ATP6V1H: variants seen among roughly 807,000 people sequenced by gnomAD.
ATP6V1H encodes V-type proton ATPase subunit H.
ATP6V1H carries 39 observed loss-of-function variants against 71.7 expected under a neutral mutation model. That is an observed-to-expected ratio of 0.54 (90% CI 0.42 to 0.71). The LOEUF (loss-of-function observed/expected upper bound fraction) is 0.71. ATP6V1H is among the 30% of genes least tolerant of loss of function. ATP6V1H has a pLI of 0.00. For missense variants in ATP6V1H, 509 were observed against 594.9 expected (o/e 0.86, Z 1.50); for synonymous variants, 192 against 199.3 (o/e 0.96, Z 0.31).
intron 9 of ATP6V1H, among the ~76,000 whole-genome samples, chr8:53,791,919 C>T (rs1318681924): frequency 6.6e-6 from 1 of 152,224 alleles, no homozygotes; most frequent in African/African-American, 2.4e-5. Context: ...ATGGAACCCA[C>T]AACTGTTTTG....
chr8:53,745,641 AG>A (rs1174677309), intron 12 of ATP6V1H, among the ~76,000 whole-genome samples: 3 of 152,026 alleles, frequency 2.0e-5, no homozygotes, highest in Non-Finnish European at 4.4e-5. Flanking sequence ...TCTTGTGCTT[AG>A]GAACATTACA....
chr8:53,736,051 C>T (rs1585729557), intron 13 of ATP6V1H, among the ~76,000 whole-genome samples: 2 of 152,168 alleles, frequency 1.3e-5, no homozygotes, highest in Admixed American at 6.5e-5. Flanking sequence ...CTTTAGGACT[C>T]GTCAAACAAG....
intron 4 of ATP6V1H, among the ~76,000 whole-genome samples, chr8:53,819,083 A>G (rs1183460329): frequency 6.6e-6 from 1 of 151,590 alleles, no homozygotes; most frequent in African/African-American, 2.4e-5. Context: ...GCACACGCCT[A>G]TGGTCCCAGC....
intron 5 of ATP6V1H, among the ~76,000 whole-genome samples, chr8:53,815,552 C>G (rs1346008936): frequency 6.6e-6 from 1 of 152,200 alleles, no homozygotes; most frequent in Non-Finnish European, 1.5e-5. Flanking sequence ...AGGTACACTT[C>G]CAAGGTCAGA....
In ATP6V1H at chr8:53,756,668, T is replaced by A. The variant is rs1300387975; in HGVS notation, c.1176-12A>T. The A allele has an allele frequency of 5.0e-6, 8 of 1,598,778 alleles. No homozygotes were observed. Among genetic ancestry groups the A allele is most frequent in the Non-Finnish European group, 6.9e-6 (8 of 1,167,446 alleles). ...GTTTTGTCAAGATTCTGAAATAAAT[T>A]TTATCCAAAGAGAGATCAAGTTCTA... is the stretch of plus-strand genomic sequence containing the variant. On this transcript the variant is annotated splice_polypyrimidine_tract_variant and intron_variant, in intron 11 of 13. Transcript: ENST00000359530.
rs1366746696 is a variant in ATP6V1H, at chr8:53,782,328, T to C, written c.871-10161A>G. On this transcript the variant is annotated intron_variant, in intron 9 of 13. Transcript: ENST00000359530. Reference sequence around the variant, plus strand: ...ATTGTGAATGGGAGTTCACTCATGATTTGGCTCTCTGTTTGTCTGTTACTG... The same window carrying C: ...ATTGTGAATGGGAGTTCACTCATGACTTGGCTCTCTGTTTGTCTGTTACTG... Among the ~76,000 whole-genome samples, 9 of 152,194 alleles carry C rather than the reference T, an allele frequency of 5.9e-5. No individual in the cohort carries two copies. In the East Asian group the frequency reaches 1.2e-3, roughly 20 times the overall value.
chr8:53,782,182 G>C (rs1403831090), intron 9 of ATP6V1H, among the ~76,000 whole-genome samples: 1 of 152,080 alleles, frequency 6.6e-6, no homozygotes, highest in East Asian at 1.9e-4. Flanking sequence ...AGCATGGAAT[G>C]TTCTTCCATT....
At chr8:53,754,962 G>C (rs1193519515) in intron 12 of ATP6V1H, among the ~76,000 whole-genome samples, 1 of 152,208 alleles carries the variant, frequency 6.6e-6, no homozygotes, top group African/African-American at 2.4e-5. Flanking sequence ...GAAGTACAGA[G>C]CCGTTGACTG....
chr8:53,756,769 C>A, intron 11 of ATP6V1H, 113 bp from the exon 12 acceptor site: 1 of 646,070 alleles, frequency 1.5e-6, no homozygotes, highest in Non-Finnish European at 2.6e-6. Flanking sequence ...TTAATATATT[C>A]ATATTCTTCT....
intron 7 of ATP6V1H, among the ~76,000 whole-genome samples, chr8:53,808,118 A>T (rs1810150592): frequency 6.6e-6 from 1 of 152,230 alleles, no homozygotes; most frequent in Non-Finnish European, 1.5e-5. Flanking sequence ...AGAGAACAGG[A>T]CACGGAAACA....
At chr8:53,818,639 A>G (rs1810532218) in intron 4 of ATP6V1H, among the ~76,000 whole-genome samples, 1 of 152,204 alleles carries the variant, frequency 6.6e-6, no homozygotes, top group Non-Finnish European at 1.5e-5. Flanking sequence ...GAGAATAAGG[A>G]TAAAGAAATC....
At chr8:53,832,693 A>G (rs964384499) in intron 3 of ATP6V1H, 10 of 218,590 alleles carry the variant, frequency 4.6e-5, no homozygotes, top group Middle Eastern at 2.9e-3. Context: ...TATTTCAAAC[A>G]TTACTAGTAA....
At chr8:53,771,947 C>A in intron 10 of ATP6V1H, 42 bp downstream of exon 10, 1 of 1,561,084 alleles carries the variant, frequency 6.4e-7, no homozygotes, top group Non-Finnish European at 8.7e-7. Context: ...TCAAACAAAG[C>A]CCAACAGATC....
intron 12 of ATP6V1H, among the ~76,000 whole-genome samples, chr8:53,753,528 T>C (rs1001803473): frequency 3.9e-5 from 6 of 152,138 alleles, no homozygotes; most frequent in African/African-American, 9.7e-5. Context: ...AAAGAAACAT[T>C]TGAAACACCA....
chr8:53,766,627 T>C (rs1808477428), intron 11 of ATP6V1H, among the ~76,000 whole-genome samples: 1 of 152,184 alleles, frequency 6.6e-6, no homozygotes, highest in Admixed American at 6.5e-5. Context: ...GCATGGGATA[T>C]CCCTGAGAAA....
chr8:53,748,766 T>G (rs2130212612), intron 12 of ATP6V1H, among the ~76,000 whole-genome samples: 1 of 152,350 alleles, frequency 6.6e-6, no homozygotes, highest in East Asian at 1.9e-4. Context: ...CTTTTTCCTC[T>G]TTATTCTTTT....
chr8:53,760,359 GC>G (rs1228372368), intron 11 of ATP6V1H, among the ~76,000 whole-genome samples: 1 of 152,152 alleles, frequency 6.6e-6, no homozygotes, highest in African/African-American at 2.4e-5. Flanking sequence ...CCAAGTGCTG[GC>G]AGGACACTGA....
intron 8 of ATP6V1H, among the ~76,000 whole-genome samples, chr8:53,796,241 T>C (rs1026014298): frequency 2.6e-5 from 4 of 152,020 alleles, no homozygotes; most frequent in Non-Finnish European, 5.9e-5. Flanking sequence ...AGGGAAGCGC[T>C]TGGTGAAAAC....
At position 53,743,362 on chromosome 8, in the gene ATP6V1H, A is replaced by G. The variant is rs1262431355; in HGVS notation, c.1391+215T>C. On this transcript the variant is annotated intron_variant, in intron 13 of 13. Transcript: ENST00000359530. ...TTCTGGAGTCGTTTTTGAAATTATT[A>G]TTTTGAATATACACTCCTTGAGACC... 2.6e-5 allele frequency among the ~76,000 whole-genome samples: 4 copies of G among 152,022 alleles called. No homozygotes were observed. In the East Asian group the frequency reaches 7.7e-4, roughly 29 times the overall value.
Sources: allele counts gnomAD v4.1 joint callset (sites outside exome capture counted in the v4.1 genomes callset), GRCh38; gene constraint gnomAD v4.1.1; transcripts MANE v1.5; gene names NCBI Gene and HGNC (gene_info 2026-07-23, HGNC 2026-07-21).